OR2AJ1: variants seen among roughly 807,000 people sequenced by gnomAD.
The protein encoded by OR2AJ1 is olfactory receptor family 2 subfamily AJ member 1.
For synonymous variants in OR2AJ1, 105 were observed against 60.3 expected (o/e 1.74, Z -3.44); for missense variants, 280 against 163.2 (o/e 1.72, Z -3.90).
chr1:247,930,473 G>T (rs1302322437), intron 1 of OR2AJ1, among the ~76,000 whole-genome samples: 2 of 152,140 alleles, frequency 1.3e-5, no homozygotes, highest in African/African-American at 4.8e-5. Flanking sequence ...GAGTACAAAA[G>T]GAGACTGGGG....
chr1:247,927,497 G>GT (rs1553341346), intron 1 of OR2AJ1, among the ~76,000 whole-genome samples: 2,838 of 148,428 alleles, frequency 0.019, 43 homozygotes, highest in East Asian at 0.048. Context: ...ACATTTAGGG[G>GT]GTGTGTGTGT....
At chr1:247,932,069 T>G (rs915602589) in intron 1 of OR2AJ1, among the ~76,000 whole-genome samples, 1 of 152,252 alleles carries the variant, frequency 6.6e-6, no homozygotes, top group Non-Finnish European at 1.5e-5. Flanking sequence ...CTGGGTGCGG[T>G]GGCTCACGCC....
Position 247,933,756 on chromosome 1 carries a change from T to C in OR2AJ1, c.-13T>C. ...CATTATTTCTTTTTAGGTTAAAAAA[T>C]AGAGAATTCATGATGGGCCATCAGA... On this transcript the variant is annotated 5_prime_UTR_variant, in exon 2 of 2. An upstream open reading frame in the 5' UTR loses its in-frame stop. Coordinates refer to ENST00000318244, the MANE Select transcript of OR2AJ1 (RefSeq NM_001355235.2). 1 of 571,952 alleles carries C rather than the reference T, an allele frequency of 1.7e-6. No individual in the cohort carries two copies. The highest frequency in any genetic ancestry group is 2.9e-5 in the East Asian group (1 of 34,740). The allele number at this position is 571,952 out of a possible 1,614,324, so 35.4% of individuals were successfully genotyped here. A position where few individuals can be genotyped will look rare whatever the true frequency, so the allele number is the denominator to read the frequency against.
chr1:247,933,395 G>T (rs889623691), intron 1 of OR2AJ1, among the ~76,000 whole-genome samples: 3 of 152,166 alleles, frequency 2.0e-5, no homozygotes, highest in African/African-American at 7.2e-5. Context: ...GGAAATTAGG[G>T]TTTAAGTGGG....
rs1320916597 is a variant in OR2AJ1 at position 247,924,899 on chromosome 1, T to C, written c.-292T>C. 3 of 152,234 alleles carry C rather than the reference T, an allele frequency of 2.0e-5. No individual in the cohort carries two copies. Among genetic ancestry groups the C allele is most frequent in the African/African-American group, 7.2e-5 (3 of 41,444 alleles). The allele number at this position is 152,234 out of a possible 1,614,324, so 9.4% of individuals were successfully genotyped here. On this transcript the variant is annotated 5_prime_UTR_variant, in exon 1 of 2. Coordinates refer to ENST00000318244, the MANE Select transcript of OR2AJ1 (RefSeq NM_001355235.2). ...TCCCACAAGCCACATGCTACAGGACTTCCAACTGGGAAGTTGTCTTTCATC... is the reference window on the plus strand; with the variant it reads ...TCCCACAAGCCACATGCTACAGGACCTCCAACTGGGAAGTTGTCTTTCATC...
Position 247,933,868 on chromosome 1 carries a change from A to G in OR2AJ1, c.100A>G (p.Ile34Val), listed in dbSNP as rs889677773. The G allele has an allele frequency of 4.3e-6, 3 of 694,652 alleles. No individual in the cohort carries two copies. The highest frequency in any genetic ancestry group is 2.3e-4 in the Middle Eastern group (1 of 4,272). The allele number at this position is 694,652 out of a possible 1,614,324, so 43.0% of individuals were successfully genotyped here. ...SVVFFLVLFV[I>V]FIMSVTENTL... ...GGTCTTCTTCTTAGTTTTATTTGTC[A>G]TTTTCATTATGAGTGTAACAGAAAA... is the stretch of plus-strand genomic sequence containing the variant. Residue 34 changes from isoleucine to valine, a missense_variant, in exon 2 of 2, where the codon ATT becomes GTT. Coordinates refer to ENST00000318244, the MANE Select transcript of OR2AJ1 (RefSeq NM_001355235.2).
chr1:247,932,100 A>G (rs1173701585), intron 1 of OR2AJ1, among the ~76,000 whole-genome samples: 2 of 152,226 alleles, frequency 1.3e-5, no homozygotes, highest in Admixed American at 6.5e-5. Flanking sequence ...GCACTTTGGG[A>G]GGCCAAGGTG....
chr1:247,927,661 C>G (rs1470097647), intron 1 of OR2AJ1, among the ~76,000 whole-genome samples: 1 of 151,818 alleles, frequency 6.6e-6, no homozygotes, highest in East Asian at 1.9e-4. Context: ...TGAGCAACTT[C>G]TCTCTCTTCT....
chr1:247,929,006 A>C (rs767041728), intron 1 of OR2AJ1, among the ~76,000 whole-genome samples: 2 of 152,152 alleles, frequency 1.3e-5, no homozygotes, highest in Non-Finnish European at 2.9e-5. Flanking sequence ...TAATTATAGG[A>C]ATCCCTTAAA....
At chr1:247,933,581 C>T (rs1049656988) in intron 1 of OR2AJ1, among the ~76,000 whole-genome samples, 166 bp from the exon 2 acceptor site, 1 of 152,086 alleles carries the variant, frequency 6.6e-6, no homozygotes, top group African/African-American at 2.4e-5. Flanking sequence ...GAAAGAAATG[C>T]CCAGCTTGTA....
intron 1 of OR2AJ1, among the ~76,000 whole-genome samples, chr1:247,928,810 A>G (rs891861779): frequency 6.6e-6 from 1 of 152,124 alleles, no homozygotes; most frequent in Non-Finnish European, 1.5e-5. Flanking sequence ...AAGAAACAGG[A>G]TGGGCCGGGC....
intron 1 of OR2AJ1, among the ~76,000 whole-genome samples, chr1:247,927,412 G>A (rs1660104315): frequency 6.6e-6 from 1 of 151,582 alleles, no homozygotes. Flanking sequence ...CAAATTTATG[G>A]GGTACAGAGT....
At chr1:247,932,277 A>G (rs1416819559) in intron 1 of OR2AJ1, among the ~76,000 whole-genome samples, 7 of 152,218 alleles carry the variant, frequency 4.6e-5, no homozygotes, top group Non-Finnish European at 1.0e-4. Flanking sequence ...CTGAGGTTGC[A>G]GTGAGCTGAG....
Position 247,933,862 on chromosome 1 carries a change from T to C in OR2AJ1, c.94T>C (p.Phe32Leu), listed in dbSNP as rs781243175. 15 of 691,250 alleles carry C rather than the reference T, an allele frequency of 2.2e-5. No homozygotes were observed. The highest frequency in any genetic ancestry group is 4.1e-5 in the Non-Finnish European group (15 of 370,350). The allele number at this position is 691,250 out of a possible 1,614,324, so 42.8% of individuals were successfully genotyped here. ...PTSVVFFLVL[F>L]VIFIMSVTEN... Reference sequence around the variant, plus strand: ...AAGTGTGGTCTTCTTCTTAGTTTTATTTGTCATTTTCATTATGAGTGTAAC... The same window carrying C: ...AAGTGTGGTCTTCTTCTTAGTTTTACTTGTCATTTTCATTATGAGTGTAAC... The change falls in exon 2 of 2, where the codon TTT (phenylalanine) becomes CTT (leucine). Residue 32 changes from phenylalanine (F) to leucine (L), a missense_variant. Transcript: ENST00000318244.
At chr1:247,928,930 T>TAA in intron 1 of OR2AJ1, among the ~76,000 whole-genome samples, 1 of 152,192 alleles carries the variant, frequency 6.6e-6, no homozygotes, top group African/African-American at 2.4e-5. Context: ...CCGTCTCTAC[T>TAA]AAAAATAAAA....
intron 1 of OR2AJ1, among the ~76,000 whole-genome samples, chr1:247,933,490 A>G (rs754019265): frequency 2.0e-5 from 3 of 152,296 alleles, no homozygotes; most frequent in Non-Finnish European, 2.9e-5. Flanking sequence ...TGAGTAAATT[A>G]TGTGGAATTA....
At chr1:247,925,558 G>C (rs566506860) in intron 1 of OR2AJ1, among the ~76,000 whole-genome samples, 3 of 152,066 alleles carry the variant, frequency 2.0e-5, no homozygotes, top group Non-Finnish European at 4.4e-5. Context: ...AAATACTTCA[G>C]CTTCACTGGA....
intron 1 of OR2AJ1, among the ~76,000 whole-genome samples, chr1:247,925,454 T>G (rs536174890): frequency 3.9e-5 from 6 of 152,098 alleles, no homozygotes; most frequent in Non-Finnish European, 8.8e-5. Context: ...TGGAAGAAAT[T>G]GAAGCCCTTA....
chr1:247,927,389 C>G (rs1318472852), intron 1 of OR2AJ1, among the ~76,000 whole-genome samples: 1 of 151,974 alleles, frequency 6.6e-6, no homozygotes, highest in East Asian at 1.9e-4. Context: ...TTAATTGATG[C>G]ACAATTCTTG....
Sources: allele counts gnomAD v4.1 joint callset (sites outside exome capture counted in the v4.1 genomes callset), GRCh38; gene constraint gnomAD v4.1.1; transcripts MANE v1.5; gene names NCBI Gene and HGNC (gene_info 2026-07-23, HGNC 2026-07-21).